ZMYND11: variants seen among roughly 807,000 people sequenced by gnomAD.
ZMYND11 encodes the protein zinc finger MYND-type containing 11.
Under a neutral mutation model 84.9 loss-of-function variants are expected in ZMYND11, and 9 were observed. That is an observed-to-expected ratio of 0.11 (90% CI 0.06 to 0.18). The LOEUF is 0.18. ZMYND11 is among the 10% of genes least tolerant of loss of function. The probability of loss-of-function intolerance (pLI) is 1.00; values close to 1 mark genes in which losing one functional copy is unlikely to be tolerated. For synonymous variants in ZMYND11, 250 were observed against 244.1 expected (o/e 1.02, Z -0.23); for missense variants, 409 against 761.0 (o/e 0.54, Z 5.44).
chr10:195,847 A>G (rs1487103903), intron 2 of ZMYND11, among the ~76,000 whole-genome samples: 2 of 152,244 alleles, frequency 1.3e-5, no homozygotes, highest in Non-Finnish European at 2.9e-5. Flanking sequence ...CACACTACAC[A>G]TATTTTAAAA....
upstream of ZMYND11, among the ~76,000 whole-genome samples, chr10:132,165 G>A (rs561039669): frequency 6.6e-6 from 1 of 151,840 alleles, no homozygotes; most frequent in East Asian, 1.9e-4. Context: ...AAAGAACATT[G>A]TATAGTCTTA....
intron 2 of ZMYND11, among the ~76,000 whole-genome samples, chr10:206,376 C>G (rs1944176457): frequency 6.6e-6 from 1 of 152,206 alleles, no homozygotes; most frequent in Non-Finnish European, 1.5e-5. Flanking sequence ...AATAATAAAT[C>G]AATAGCTCTG....
chr10:230,693 GAAATA>G (rs925673242), intron 4 of ZMYND11, among the ~76,000 whole-genome samples: 18 of 152,152 alleles, frequency 1.2e-4, no homozygotes, highest in African/African-American at 4.3e-4. Context: ...TCACACATCA[GAAATA>G]AAATTATTTA....
intron 7 of ZMYND11, 47 bp from the exon 8 acceptor site, chr10:240,009 G>T (rs79959492): frequency 6.7e-7 from 1 of 1,503,034 alleles, no homozygotes; most frequent in African/African-American, 1.4e-5. Flanking sequence ...TTTGAGTCTT[G>T]TATTTGCAGA....
chr10:213,905 A>G (rs1589002533), intron 3 of ZMYND11, among the ~76,000 whole-genome samples: 1 of 152,230 alleles, frequency 6.6e-6, no homozygotes, highest in Non-Finnish European at 1.5e-5. Context: ...CAATTGAGAA[A>G]TATGCATATA....
At chr10:208,676 A>T (rs1944627287) in intron 2 of ZMYND11, among the ~76,000 whole-genome samples, 1 of 152,166 alleles carries the variant, frequency 6.6e-6, no homozygotes, top group South Asian at 2.1e-4. Context: ...TTGTTCTGTC[A>T]ATGCAGTTAA....
At chr10:227,792 G>T (rs886282245) in intron 4 of ZMYND11, among the ~76,000 whole-genome samples, 7 of 152,104 alleles carry the variant, frequency 4.6e-5, no homozygotes, top group African/African-American at 1.7e-4. Flanking sequence ...GCATATTTTA[G>T]TGTGGGAAAT....
rs113015000 is a variant in ZMYND11 at position 145,216 on chromosome 10, A to G, written c.-20+9657A>G. 9.1e-3 allele frequency among the ~76,000 whole-genome samples: 1,271 copies of G among 139,224 alleles called. 14 individuals are homozygous for G. The highest frequency in any genetic ancestry group is 0.03 in the African/African-American group (1,200 of 40,672). 91.3% of individuals were successfully genotyped at this position (139,224 alleles called of 152,430 possible). ...TACATATGTGTGTGTATATATATGT[A>G]TATATGTGTGTATATATATGTGTGT... On this transcript the variant is annotated intron_variant, in intron 1 of 14. Transcript: ENST00000381604.
intron 2 of ZMYND11, among the ~76,000 whole-genome samples, chr10:208,085 G>A (rs1035054756): frequency 1.2e-4 from 19 of 152,104 alleles, no homozygotes; most frequent in African/African-American, 4.1e-4. Context: ...GGGAAAACTG[G>A]CTAGCCATAT....
chr10:199,988 C>T (rs1435876990), intron 2 of ZMYND11, among the ~76,000 whole-genome samples: 1 of 151,944 alleles, frequency 6.6e-6, no homozygotes, highest in African/African-American at 2.4e-5. Flanking sequence ...CCTCAGCCTC[C>T]TGAGTAGTTG....
At chr10:215,795 T>C (rs1449750045) in intron 3 of ZMYND11, among the ~76,000 whole-genome samples, 1 of 151,986 alleles carries the variant, frequency 6.6e-6, no homozygotes, top group Non-Finnish European at 1.5e-5. Flanking sequence ...TGGCTTCAAG[T>C]GATCCTCCTG....
At chr10:176,065 T>A (rs1441972118) in intron 1 of ZMYND11, among the ~76,000 whole-genome samples, 1 of 152,362 alleles carries the variant, frequency 6.6e-6, no homozygotes, top group African/African-American at 2.4e-5. Flanking sequence ...ACTTCTTGTT[T>A]AATTTTGCTT....
intron 2 of ZMYND11, among the ~76,000 whole-genome samples, chr10:187,152 G>A (rs1938836660): frequency 6.6e-6 from 1 of 151,880 alleles, no homozygotes; most frequent in South Asian, 2.1e-4. Context: ...CTTGAGCCCA[G>A]GAGATCAAGG....
At chr10:208,473 G>C (rs1301926399) in intron 2 of ZMYND11, among the ~76,000 whole-genome samples, 1 of 152,126 alleles carries the variant, frequency 6.6e-6, no homozygotes, top group Non-Finnish European at 1.5e-5. Context: ...CCAACAAAAA[G>C]TGGACGAAGG....
intron 4 of ZMYND11, among the ~76,000 whole-genome samples, chr10:221,758 A>G (rs1048618371): frequency 1.3e-5 from 2 of 151,754 alleles, no homozygotes; most frequent in African/African-American, 4.8e-5. Context: ...TTCTGTATCT[A>G]TTTCCCATTT....
chr10:173,231 AGAGAATT>A (rs1845784877), intron 1 of ZMYND11, among the ~76,000 whole-genome samples: 1 of 152,212 alleles, frequency 6.6e-6, no homozygotes, highest in South Asian at 2.1e-4. Context: ...TCCATGAAGG[AGAGAATT>A]GATAAGCTGG....
At chr10:240,995 G>A (rs1373246923) in intron 9 of ZMYND11, 25 bp downstream of exon 9, 1 of 1,567,570 alleles carries the variant, frequency 6.4e-7, no homozygotes, top group Non-Finnish European at 8.8e-7. Context: ...TACCTCAAGT[G>A]TGTAACATAC....
intron 1 of ZMYND11, among the ~76,000 whole-genome samples, chr10:172,361 A>G (rs971297803): frequency 3.9e-5 from 6 of 152,276 alleles, no homozygotes; most frequent in African/African-American, 1.4e-4. Flanking sequence ...AATCCAAAAG[A>G]ATTAACAAAA....
At chr10:158,085 T>C (rs903772151) in intron 1 of ZMYND11, among the ~76,000 whole-genome samples, 24 of 152,264 alleles carry the variant, frequency 1.6e-4, no homozygotes, top group Admixed American at 1.2e-3. Context: ...ATGAATGATA[T>C]TCCATTGGAT....
Sources: gnomAD v4.1 joint callset for allele counts (sites outside exome capture counted in the v4.1 genomes callset) on GRCh38, gnomAD v4.1.1 for gene constraint, MANE v1.5 for transcripts, NCBI Gene and HGNC (gene_info 2026-07-23, HGNC 2026-07-21) for gene names.